Variants in BCL6 observed in about 807,000 individuals in gnomAD.
BCL6 encodes the protein B-cell lymphoma 6 protein.
A neutral mutation model predicts 59.5 loss-of-function variants in BCL6; 7 were observed. The observed-to-expected ratio is 0.12, with a 90% CI of 0.07 to 0.22. The LOEUF (loss-of-function observed/expected upper bound fraction) is 0.22. Among genes scored for constraint, BCL6 ranks in the 10% least tolerant of loss-of-function variants. BCL6 has a pLI of 1.00. For synonymous variants in BCL6, 339 were observed against 349.7 expected, an observed-to-expected ratio of 0.97 and a Z score of 0.34; for missense variants, 685 against 939.4, an observed-to-expected ratio of 0.73 and a Z score of 3.54.
intron 3 of BCL6, 22 bp downstream of exon 3, chr3:187,733,511 C>T (rs760438307): frequency 9.9e-6 from 16 of 1,609,520 alleles, no homozygotes; most frequent in Non-Finnish European, 8.5e-7. Context: ...ACTTACCCAC[C>T]CTTTCCTTTC....
rs1358062716 is a variant in BCL6 at position 187,725,163 on chromosome 3, T to C, written c.1840-85A>G. 1 of 1,571,796 alleles carries C rather than the reference T, an allele frequency of 6.4e-7. No individual in the cohort carries two copies. Among genetic ancestry groups the C allele is most frequent in the Non-Finnish European group, 8.7e-7 (1 of 1,149,950 alleles). ...CCCTCATTAGCACACAGCCAGTGAG[T>C]GGGCCTTTCTCCAGGCCACTCTGCT... On this transcript the variant is annotated intron_variant, in intron 8 of 9. Coordinates refer to ENST00000406870, the MANE Select transcript of BCL6 (RefSeq NM_001706.5). This position sits in a 1 kb window ranked among gnomAD's most constrained non-coding sequence, Gnocchi z 4.7.
chr3:187,733,503 T>C, intron 3 of BCL6, 30 bp downstream of exon 3: 2 of 1,606,678 alleles, frequency 1.2e-6, no homozygotes, highest in Non-Finnish European at 8.5e-7. Flanking sequence ...CCACTTTGAC[T>C]TACCCACCCT....
chr3:187,744,941 T>A (rs1576885960), intron 1 of BCL6, among the ~76,000 whole-genome samples: 1 of 152,246 alleles, frequency 6.6e-6, no homozygotes, highest in Non-Finnish European at 1.5e-5. Context: ...CTCCGCGGTC[T>A]GGGGCCAGAC....
Position 187,728,445 on chromosome 3 carries a change from A to C in BCL6, c.1455T>G (p.His485Gln), listed in dbSNP as rs749657541. The change falls in exon 6 of 10, where the codon CAT becomes CAG. Residue 485 changes from histidine (H) to glutamine (Q), a missense_variant. Around this residue, in one of 7 missense-constraint regions of BCL6, gnomAD observed 207 missense variants for 213.7 expected, o/e 0.97. Transcript: ENST00000406870. Reference protein sequence around the residue: ...CTSCGSQSPQHAEMCLHTAGP... With the variant: ...CTSCGSQSPQQAEMCLHTAGP... ...CAGCGGTGTGGAGGCACATCTCTGCATGCTGTGGGGACTGAGAGCCGCAGG... is the reference window on the plus strand; with the variant it reads ...CAGCGGTGTGGAGGCACATCTCTGCCTGCTGTGGGGACTGAGAGCCGCAGG... 2 of 1,612,774 alleles carry C rather than the reference A, an allele frequency of 1.2e-6. No individual in the cohort carries two copies. Among genetic ancestry groups the C allele is most frequent in the Admixed American group, 1.7e-5 (1 of 59,880 alleles).
At chr3:187,738,338 A>C (rs975454918) in intron 1 of BCL6, among the ~76,000 whole-genome samples, 4 of 152,204 alleles carry the variant, frequency 2.6e-5, no homozygotes, top group Non-Finnish European at 5.9e-5. Flanking sequence ...GGTCTCCATC[A>C]TAGGCGCCCC....
rs186768544 is a variant in BCL6, at chr3:187,728,343, G to A, written c.1540+17C>T. On this transcript the variant is annotated intron_variant, in intron 6 of 9. Transcript: ENST00000406870. ...CTTCCTTCTCCCTGACAAGAGGAGG[G>A]AGGGAAAAGGACTCACCACAGCTAG... The A allele has an allele frequency of 6.3e-3, 9,790 of 1,563,672 alleles. 44 individuals are homozygous for A. Among genetic ancestry groups the A allele is most frequent in the Non-Finnish European group, 7.8e-3 (8,990 of 1,152,098 alleles).
chr3:187,723,901 T>C (rs910917471), intron 9 of BCL6, among the ~76,000 whole-genome samples: 39 of 152,252 alleles, frequency 2.6e-4, no homozygotes, highest in African/African-American at 8.7e-4. Flanking sequence ...ACTATGTGCA[T>C]GTGCTATCCT....
intron 1 of BCL6, among the ~76,000 whole-genome samples, chr3:187,744,635 T>G (rs548782021): frequency 6.6e-6 from 1 of 152,174 alleles, no homozygotes; most frequent in South Asian, 2.1e-4. Flanking sequence ...CAAATCTCGG[T>G]TCGGCTCGAA....
intron 9 of BCL6, among the ~76,000 whole-genome samples, chr3:187,723,302 CT>C (rs892486220): frequency 6.6e-6 from 1 of 152,096 alleles, no homozygotes; most frequent in Non-Finnish European, 1.5e-5. Flanking sequence ...GTAATAAGCG[CT>C]TTAGTTTAGA....
At chr3:187,741,127 G>C (rs1711571332) in intron 1 of BCL6, among the ~76,000 whole-genome samples, 1 of 152,204 alleles carries the variant, frequency 6.6e-6, no homozygotes, top group Admixed American at 6.5e-5. Flanking sequence ...TGTCTGGTGG[G>C]GGCGAGGGTT....
At chr3:187,745,235 T>G (rs531082043) in intron 1 of BCL6, among the ~76,000 whole-genome samples, 175 bp downstream of exon 1, 1 of 152,184 alleles carries the variant, frequency 6.6e-6, no homozygotes, top group South Asian at 2.1e-4. Flanking sequence ...TATACATTTA[T>G]ATCAATAGAT....
intron 1 of BCL6, among the ~76,000 whole-genome samples, chr3:187,744,479 G>C (rs141314606): frequency 1.3e-5 from 2 of 152,058 alleles, no homozygotes; most frequent in Admixed American, 1.3e-4. Context: ...AAAACACAGG[G>C]GCAGGGAACA....
At chr3:187,742,255 G>A (rs1711633517) in intron 1 of BCL6, among the ~76,000 whole-genome samples, 1 of 152,140 alleles carries the variant, frequency 6.6e-6, no homozygotes, top group African/African-American at 2.4e-5. Context: ...AAAGTGGGTT[G>A]TGAGTGTCAT....
intron 1 of BCL6, among the ~76,000 whole-genome samples, chr3:187,744,655 T>C (rs557635912): frequency 6.6e-6 from 1 of 151,632 alleles, no homozygotes; most frequent in Admixed American, 6.5e-5. Flanking sequence ...AGGCAGGGAA[T>C]CTAAAAGACC....
chr3:187,745,251 T>G (rs1711891081), intron 1 of BCL6, among the ~76,000 whole-genome samples, 159 bp downstream of exon 1: 2 of 151,622 alleles, frequency 1.3e-5, no homozygotes, highest in African/African-American at 2.4e-5. Flanking sequence ...TAGATACACA[T>G]AGAAAACTTG....
In BCL6 at chr3:187,728,349, A is replaced by G; in HGVS notation, c.1540+11T>C. Reference sequence around the variant, plus strand: ...TCTCCCTGACAAGAGGAGGGAGGGAAAAGGACTCACCACAGCTAGAATCTG... The same window carrying G: ...TCTCCCTGACAAGAGGAGGGAGGGAGAAGGACTCACCACAGCTAGAATCTG... On this transcript the variant is annotated intron_variant, in intron 6 of 9. Coordinates refer to ENST00000406870, the MANE Select transcript of BCL6 (RefSeq NM_001706.5). The G allele has an allele frequency of 6.4e-7, 1 of 1,572,738 alleles. No individual in the cohort carries two copies. The highest frequency in any genetic ancestry group is 2.3e-5 in the East Asian group (1 of 43,236).
Position 187,726,981 on chromosome 3 carries a change from C to T in BCL6, c.1541-83G>A. ...TAAGGCCGCTCTCCTCTGTAGCTAC[C>T]CCTTGTGCCAAACTGAACTCTCAGT... On this transcript the variant is annotated intron_variant, in intron 6 of 9. Coordinates refer to ENST00000406870, the MANE Select transcript of BCL6 (RefSeq NM_001706.5). 3.4e-6 allele frequency: 5 copies of T among 1,479,632 alleles called. No individual in the cohort carries two copies. The South Asian group carries it at 6.3e-5, about 19-fold the overall frequency. The allele number at this position is 1,479,632 out of a possible 1,614,324, so 91.7% of individuals were successfully genotyped here.
Position 187,722,304 on chromosome 3 carries a change from G to GGCCCCCCCCCCCCCCC in BCL6, c.*153_*154insGGGGGGGGGGGGGGGC. ...GCTGCTGCGGCTCCCAGTCCCCCAG[G>GGCCCCCCCCCCCCCCC]CCCCGACCCCCACCACCCCCAACCC... is the stretch of plus-strand genomic sequence containing the variant. On this transcript the variant is annotated 3_prime_UTR_variant, in exon 10 of 10. Coordinates refer to ENST00000406870, the MANE Select transcript of BCL6 (RefSeq NM_001706.5). 1.0e-4 allele frequency: 32 copies of GGCCCCCCCCCCCCCCC among 309,128 alleles called. No individual in the cohort carries two copies. Among genetic ancestry groups the GGCCCCCCCCCCCCCCC allele is most frequent in the East Asian group, 1.7e-4 (3 of 17,922 alleles). The allele number at this position is 309,128 out of a possible 1,614,324, so 19.1% of individuals were successfully genotyped here.
At chr3:187,724,833 C>A in intron 9 of BCL6, 108 bp downstream of exon 9, 2 of 1,481,744 alleles carry the variant, frequency 1.3e-6, no homozygotes, top group African/African-American at 1.4e-5. Flanking sequence ...GAGATGGGAG[C>A]AAACAGTTCC....
Sources: gnomAD v4.1 joint callset for allele counts (sites outside exome capture counted in the v4.1 genomes callset) on GRCh38, gnomAD v4.1.1 for gene constraint, gnomAD v4.1.1 regional missense constraint, Gnocchi (gnomAD v3.1) non-coding constraint, MANE v1.5 for transcripts, NCBI Gene and HGNC (gene_info 2026-07-23, HGNC 2026-07-21) for gene names.